The following CAB39L variants were observed in gnomAD, a reference collection of about 807,000 sequenced individuals.
The protein encoded by CAB39L is calcium-binding protein 39-like.
A neutral mutation model predicts 39.1 loss-of-function variants in CAB39L; 23 were observed. The ratio of observed to expected loss-of-function variants is 0.59; its 90% CI spans 0.42 to 0.83. CAB39L has a LOEUF of 0.83. CAB39L is among the 40% of genes least tolerant of loss of function. The probability of loss-of-function intolerance (pLI) is 0.00; values close to 1 mark genes in which losing one functional copy is unlikely to be tolerated. For missense variants in CAB39L, 366 were observed against 391.9 expected (o/e 0.93, Z 0.56); for synonymous variants, 126 against 137.2 (o/e 0.92, Z 0.57).
chr13:49,375,566 T>A lies in CAB39L; in HGVS notation c.276+1401A>T, dbSNP rs144276989. ...CAAAGACAAAAAACCAAACACTGCA[T>A]GTTCTCATTCATAGGTGGGAATTGA... On this transcript the variant is annotated intron_variant, in intron 5 of 10. Transcript: ENST00000409308. Among the ~76,000 whole-genome samples the A allele has an allele frequency of 7.2e-3, 1,098 of 152,102 alleles. 7 individuals carry two copies. The highest frequency in any genetic ancestry group is 0.023 in the African/African-American group (974 of 41,504).
intron 5 of CAB39L, among the ~76,000 whole-genome samples, chr13:49,361,938 T>C (rs143841201): frequency 8.5e-5 from 13 of 152,296 alleles, no homozygotes; most frequent in African/African-American, 1.2e-4. Context: ...CAGGCACTTA[T>C]GCTAAGAGCT....
chr13:49,442,219 T>C (rs2138762472), intron 1 of CAB39L, among the ~76,000 whole-genome samples: 1 of 152,338 alleles, frequency 6.6e-6, no homozygotes, highest in East Asian at 1.9e-4. Context: ...CACTACTCTT[T>C]GAAAACGTTC....
intron 3 of CAB39L, among the ~76,000 whole-genome samples, chr13:49,416,003 AC>A (rs925388498): frequency 6.6e-6 from 1 of 152,138 alleles, no homozygotes; most frequent in African/African-American, 2.4e-5. Flanking sequence ...TTTTTGTCCT[AC>A]AAAGCAAATA....
intron 3 of CAB39L, among the ~76,000 whole-genome samples, chr13:49,386,835 CCACTCCCA>C (rs1402543969): frequency 9.9e-5 from 15 of 152,028 alleles, no homozygotes; most frequent in African/African-American, 3.4e-4. Context: ...AACACCTCCC[CCACTCCCA>C]GACTAAACAC....
intron 3 of CAB39L, among the ~76,000 whole-genome samples, chr13:49,399,957 C>A (rs577078650): frequency 3.2e-4 from 49 of 151,842 alleles, no homozygotes; most frequent in African/African-American, 1.2e-3. Flanking sequence ...CATAGGTCAA[C>A]AGTCTAAAAA....
chr13:49,393,837 G>A (rs1594048298), intron 3 of CAB39L, among the ~76,000 whole-genome samples: 1 of 151,698 alleles, frequency 6.6e-6, no homozygotes, highest in African/African-American at 2.4e-5. Flanking sequence ...TACTAAATAA[G>A]CAAGAATAAC....
At chr13:49,320,208 A>T (rs1342337375) in intron 10 of CAB39L, among the ~76,000 whole-genome samples, 1 of 152,186 alleles carries the variant, frequency 6.6e-6, no homozygotes, top group Non-Finnish European at 1.5e-5. Flanking sequence ...AGGTATATGG[A>T]AGCAAGTCTT....
intron 10 of CAB39L, among the ~76,000 whole-genome samples, chr13:49,319,927 A>G (rs923680712): frequency 2.0e-5 from 3 of 152,214 alleles, no homozygotes; most frequent in Non-Finnish European, 4.4e-5. Context: ...TAAATGTAAA[A>G]TGTACTGGAA....
intron 3 of CAB39L, among the ~76,000 whole-genome samples, chr13:49,416,358 A>T (rs1304318743): frequency 1.3e-5 from 2 of 152,216 alleles, no homozygotes; most frequent in Non-Finnish European, 2.9e-5. Flanking sequence ...TAACAAGCTA[A>T]CATGTGTGCA....
chr13:49,417,421 C>T (rs541970014), intron 3 of CAB39L, among the ~76,000 whole-genome samples: 5 of 152,194 alleles, frequency 3.3e-5, no homozygotes, highest in South Asian at 2.1e-4. Flanking sequence ...AACTAATTCC[C>T]GCAAATATGA....
chr13:49,388,828 T>A (rs995319481), intron 3 of CAB39L, among the ~76,000 whole-genome samples: 1 of 152,070 alleles, frequency 6.6e-6, no homozygotes, highest in African/African-American at 2.4e-5. Context: ...ATGGAAATAA[T>A]GATAGAAGTA....
At chr13:49,393,578 C>G (rs756202100) in intron 3 of CAB39L, among the ~76,000 whole-genome samples, 33 of 151,838 alleles carry the variant, frequency 2.2e-4, no homozygotes, top group Non-Finnish European at 4.3e-4. Flanking sequence ...TAACTTTCTT[C>G]ATGTAGGTAT....
At chr13:49,353,397 G>A (rs935416814) in intron 6 of CAB39L, among the ~76,000 whole-genome samples, 2 of 152,246 alleles carry the variant, frequency 1.3e-5, no homozygotes, top group East Asian at 3.9e-4. Context: ...TCTAAGGGAA[G>A]GACAATTAAA....
At chr13:49,407,474 G>A (rs902650268) in intron 3 of CAB39L, among the ~76,000 whole-genome samples, 2 of 151,836 alleles carry the variant, frequency 1.3e-5, no homozygotes, top group Non-Finnish European at 2.9e-5. Context: ...AACATTAGTG[G>A]TTAAAAAAGA....
At chr13:49,312,281 A>G (rs1211483675) in intron 10 of CAB39L, among the ~76,000 whole-genome samples, 3 of 152,206 alleles carry the variant, frequency 2.0e-5, no homozygotes, top group Admixed American at 2.0e-4. Context: ...AGTCTACAGT[A>G]GTGTACGGTA....
intron 5 of CAB39L, among the ~76,000 whole-genome samples, chr13:49,372,951 G>T (rs1394392152): frequency 1.3e-5 from 2 of 152,200 alleles, no homozygotes; most frequent in Non-Finnish European, 2.9e-5. Context: ...GGGATTACAG[G>T]CATGAGCCAC....
chr13:49,435,882 T>C (rs188306454), intron 1 of CAB39L, among the ~76,000 whole-genome samples: 270 of 152,344 alleles, frequency 1.8e-3, no homozygotes, highest in Middle Eastern at 0.01. Flanking sequence ...ATGGTCTTAC[T>C]TGCCTGGAAT....
chr13:49,429,760 A>T (rs1001057283), intron 3 of CAB39L, among the ~76,000 whole-genome samples: 6 of 152,186 alleles, frequency 3.9e-5, no homozygotes, highest in African/African-American at 7.2e-5. Flanking sequence ...ATGTTCTCTT[A>T]TAGTTTTAAT....
chr13:49,435,830 C>T (rs148188306), intron 1 of CAB39L, among the ~76,000 whole-genome samples: 7 of 152,234 alleles, frequency 4.6e-5, no homozygotes, highest in Non-Finnish European at 8.8e-5. Flanking sequence ...CTGTCATGTG[C>T]ATTTCTTTTT....
Sources: gnomAD v4.1 joint callset for allele counts (sites outside exome capture counted in the v4.1 genomes callset) on GRCh38, gnomAD v4.1.1 for gene constraint, MANE v1.5 for transcripts, NCBI Gene and HGNC (gene_info 2026-07-23, HGNC 2026-07-21) for gene names.